UBXN2A: variants seen among roughly 807,000 people sequenced by gnomAD.
The protein encoded by UBXN2A is UBX domain-containing protein 2A.
Under a neutral mutation model 28.4 loss-of-function variants are expected in UBXN2A, and 28 were observed. The ratio of observed to expected loss-of-function variants is 0.99; its 90% CI spans 0.73 to 1.35. The LOEUF is 1.35. UBXN2A is among the 40% of genes most tolerant of loss of function. UBXN2A has a pLI of 0.00. For synonymous variants in UBXN2A, 97 were observed against 103.6 expected (o/e 0.94, Z 0.39); for missense variants, 253 against 297.9 (o/e 0.85, Z 1.11).
At chr2:23,996,876 A>C (rs1708558465) in intron 6 of UBXN2A, 1 of 151,346 alleles carries the variant, frequency 6.6e-6, no homozygotes, top group South Asian at 2.1e-4. Context: ...TCAGCACAGG[A>C]GTTTTTACTT....
chr2:23,960,816 G>C (rs951872210), intron 2 of UBXN2A, among the ~76,000 whole-genome samples: 27 of 152,018 alleles, frequency 1.8e-4, no homozygotes, highest in African/African-American at 2.4e-5. Context: ...TGTATTTTTA[G>C]TGCAGATGGG....
At chr2:23,989,550 G>A (rs1416196743) in intron 6 of UBXN2A, among the ~76,000 whole-genome samples, 1 of 151,044 alleles carries the variant, frequency 6.6e-6, no homozygotes, top group Non-Finnish European at 1.5e-5. Context: ...ACCACACCCG[G>A]CCTTATTTCT....
chr2:23,928,236 A>C (rs986879436), intron 1 of UBXN2A, among the ~76,000 whole-genome samples: 2 of 148,232 alleles, frequency 1.3e-5, no homozygotes, highest in Non-Finnish European at 3.0e-5. Flanking sequence ...GAAAGAAAGA[A>C]AAAGAAAGAA....
chr2:23,938,603 A>G (rs987207761), upstream of UBXN2A, among the ~76,000 whole-genome samples: 2 of 149,858 alleles, frequency 1.3e-5, no homozygotes, highest in African/African-American at 4.9e-5. Flanking sequence ...TAAAATTCAT[A>G]CAGAACTGCA....
At chr2:23,995,704 A>AT (rs1274697305) in intron 6 of UBXN2A, among the ~76,000 whole-genome samples, 1 of 151,612 alleles carries the variant, frequency 6.6e-6, no homozygotes, top group African/African-American at 2.4e-5. Flanking sequence ...AAAAAAAAAA[A>AT]GAAAAGAAAA....
At chr2:23,931,041 C>T (rs1443322219) in intron 1 of UBXN2A, among the ~76,000 whole-genome samples, 1 of 151,956 alleles carries the variant, frequency 6.6e-6, no homozygotes, top group Non-Finnish European at 1.5e-5. Flanking sequence ...GTGGCGGGCA[C>T]CTGTAATCTC....
At chr2:23,932,772 C>T (rs1705408879) in intron 1 of UBXN2A, among the ~76,000 whole-genome samples, 1 of 152,152 alleles carries the variant, frequency 6.6e-6, no homozygotes, top group Non-Finnish European at 1.5e-5. Flanking sequence ...AATAAAGTCC[C>T]ATGAATATGA....
chr2:23,959,797 T>C (rs988192909), intron 2 of UBXN2A, among the ~76,000 whole-genome samples: 7 of 152,170 alleles, frequency 4.6e-5, no homozygotes, highest in East Asian at 1.9e-4. Flanking sequence ...GGAAAGCTCA[T>C]TGGAGATGAG....
intron 5 of UBXN2A, 62 bp downstream of exon 5, chr2:23,983,095 G>A (rs1045101757): frequency 9.0e-6 from 13 of 1,438,420 alleles, no homozygotes; most frequent in Non-Finnish European, 1.2e-5. Flanking sequence ...CTGTCTATCA[G>A]TATTTTACCC....
intron 2 of UBXN2A, among the ~76,000 whole-genome samples, chr2:23,968,675 G>GAA (rs759514933): frequency 2.3e-4 from 27 of 116,234 alleles, no homozygotes; most frequent in Non-Finnish European, 3.3e-4. Flanking sequence ...TCCGTCTCAG[G>GAA]AAAAAAAAAA....
intron 4 of UBXN2A, 196 bp downstream of exon 4, chr2:23,977,271 G>A (rs2150881626): frequency 3.1e-6 from 1 of 318,350 alleles, no homozygotes; most frequent in South Asian, 5.2e-5. Context: ...AGGCTACAGT[G>A]AGCCATGCTT....
intron 1 of UBXN2A, among the ~76,000 whole-genome samples, chr2:23,948,104 C>T (rs1164168779): frequency 6.6e-6 from 1 of 152,148 alleles, no homozygotes; most frequent in Non-Finnish European, 1.5e-5. Flanking sequence ...ATCCGCCCGC[C>T]TCAGCCTCCC....
intron 5 of UBXN2A, 98 bp downstream of exon 5, chr2:23,983,131 T>C: frequency 1.6e-6 from 2 of 1,282,042 alleles, no homozygotes; most frequent in Non-Finnish European, 1.0e-6. Flanking sequence ...ATGGAGCTTA[T>C]CATTTCTCCC....
At chr2:23,997,351 A>T (rs1418971639) in intron 6 of UBXN2A, among the ~76,000 whole-genome samples, 1 of 152,196 alleles carries the variant, frequency 6.6e-6, no homozygotes, top group Non-Finnish European at 1.5e-5. Flanking sequence ...GGTAAATTAG[A>T]TGTTAAGGCT....
upstream of UBXN2A, among the ~76,000 whole-genome samples, chr2:23,940,113 A>C (rs796102259): frequency 3.1e-3 from 458 of 148,310 alleles, 3 homozygotes; most frequent in African/African-American, 0.011. Context: ...TTAGTCTCAA[A>C]AAAAAAAAAA....
At chr2:23,932,977 C>T (rs768013774) in intron 1 of UBXN2A, among the ~76,000 whole-genome samples, 113 of 152,090 alleles carry the variant, frequency 7.4e-4, no homozygotes, top group Middle Eastern at 3.4e-3. Flanking sequence ...TGGTGGCACA[C>T]GCCTGTAGTC....
chr2:23,935,396 AC>A (rs1309300603), intron 1 of UBXN2A, among the ~76,000 whole-genome samples: 60 of 145,932 alleles, frequency 4.1e-4, no homozygotes, highest in African/African-American at 1.4e-3. Flanking sequence ...AACAACAACA[AC>A]AACAAAAAAA....
intron 6 of UBXN2A, among the ~76,000 whole-genome samples, chr2:23,995,894 TTTTA>T (rs952814397): frequency 6.6e-6 from 1 of 151,968 alleles, no homozygotes; most frequent in African/African-American, 2.4e-5. Context: ...TCTTTTTATT[TTTTA>T]TTTATTTGTT....
intron 6 of UBXN2A, among the ~76,000 whole-genome samples, chr2:23,986,499 G>T (rs758040904): frequency 6.6e-6 from 1 of 151,632 alleles, no homozygotes; most frequent in Non-Finnish European, 1.5e-5. Flanking sequence ...GTGAAAGAAT[G>T]AAAATACAGA....
Sources: allele counts gnomAD v4.1 joint callset (sites outside exome capture counted in the v4.1 genomes callset), GRCh38; gene constraint gnomAD v4.1.1; transcripts MANE v1.5; gene names NCBI Gene and HGNC (gene_info 2026-07-23, HGNC 2026-07-21).